Variants in DGKI observed in about 807,000 individuals in gnomAD.
DGKI encodes the protein DAG kinase iota.
In DGKI, 55 loss-of-function variants were observed where a neutral mutation model predicts 147.5. That is an observed-to-expected ratio of 0.37 (90% CI 0.30 to 0.47). The LOEUF is 0.47. Ranked by LOEUF, DGKI falls within the 20% of genes least tolerant of loss-of-function variation. The probability of loss-of-function intolerance (pLI) is 1.00; values close to 1 mark genes in which losing one functional copy is unlikely to be tolerated. For synonymous variants in DGKI, 469 were observed against 477.1 expected, an observed-to-expected ratio of 0.98 and a Z score of 0.22; for missense variants, 1,007 against 1,323.8, an observed-to-expected ratio of 0.76 and a Z score of 3.71.
intron 6 of DGKI, among the ~76,000 whole-genome samples, chr7:137,633,793 G>C (rs890443691): frequency 2.6e-5 from 4 of 152,232 alleles, no homozygotes; most frequent in African/African-American, 4.8e-5. Flanking sequence ...CTATTTGCAA[G>C]TGCTTTCAGG....
chr7:137,578,707 G>C lies in DGKI; in HGVS notation c.1643-382C>G, dbSNP rs555727353. Among the ~76,000 whole-genome samples the C allele has an allele frequency of 4.6e-5, 7 of 152,306 alleles. No homozygotes were observed. In the East Asian group the frequency reaches 1.2e-3, roughly 25 times the overall value. ...AAGATGGAGGCACTCTAGATGCTTT[G>C]TAAAAATTGGAGGGTTTCCAGGGAT... On this transcript the variant is annotated intron_variant, in intron 15 of 32. Transcript: ENST00000614521.
intron 6 of DGKI, among the ~76,000 whole-genome samples, chr7:137,636,117 C>T (rs1010684503): frequency 6.6e-6 from 1 of 152,106 alleles, no homozygotes; most frequent in African/African-American, 2.4e-5. Context: ...CATCTGGTAA[C>T]CAGGAAATCC....
intron 30 of DGKI, among the ~76,000 whole-genome samples, chr7:137,404,469 A>T (rs1811868147): frequency 6.6e-6 from 1 of 152,244 alleles, no homozygotes; most frequent in Admixed American, 6.5e-5. Flanking sequence ...TAAAGTGTTA[A>T]AAATTGCCAT....
intron 24 of DGKI, among the ~76,000 whole-genome samples, chr7:137,468,610 A>AAT (rs2128927804): frequency 6.6e-6 from 1 of 152,264 alleles, no homozygotes. Flanking sequence ...ACACTAGAAA[A>AAT]ATATATATAT....
intron 20 of DGKI, among the ~76,000 whole-genome samples, chr7:137,528,976 T>G (rs750454881): frequency 2.9e-4 from 44 of 152,158 alleles, no homozygotes; most frequent in Non-Finnish European, 5.6e-4. Context: ...AGTGCAAACA[T>G]TAACCACCAA....
At chr7:137,513,032 T>C (rs1816629435) in intron 21 of DGKI, among the ~76,000 whole-genome samples, 1 of 152,176 alleles carries the variant, frequency 6.6e-6, no homozygotes, top group African/African-American at 2.4e-5. Context: ...AGGTCAGCAA[T>C]TCTGCCGAAC....
intron 1 of DGKI, among the ~76,000 whole-genome samples, chr7:137,820,320 C>T (rs1797860069): frequency 6.6e-6 from 1 of 152,174 alleles, no homozygotes; most frequent in South Asian, 2.1e-4. Flanking sequence ...ACTTAACTAC[C>T]TACTGACATT....
chr7:137,509,443 GGC>G (rs1421257094), intron 21 of DGKI, among the ~76,000 whole-genome samples: 1 of 152,136 alleles, frequency 6.6e-6, no homozygotes, highest in Non-Finnish European at 1.5e-5. Flanking sequence ...ACTCCTCTGT[GGC>G]CAGTTGGATG....
chr7:137,637,867 G>A (rs187839720), intron 6 of DGKI, among the ~76,000 whole-genome samples: 40 of 152,026 alleles, frequency 2.6e-4, no homozygotes, highest in Middle Eastern at 3.4e-3. Context: ...TTAATTAAAG[G>A]AGATTTTTTT....
chr7:137,834,676 A>G (rs185270748), intron 1 of DGKI, among the ~76,000 whole-genome samples: 13 of 152,352 alleles, frequency 8.5e-5, no homozygotes, highest in African/African-American at 2.9e-4. Flanking sequence ...AGAAAACAAC[A>G]AAGTTTGCTC....
intron 27 of DGKI, among the ~76,000 whole-genome samples, chr7:137,446,210 T>C (rs1241033585): frequency 6.6e-6 from 1 of 152,246 alleles, no homozygotes; most frequent in Non-Finnish European, 1.5e-5. Context: ...ATATTAAATC[T>C]GAAAAATTCC....
rs374338666 is a variant in DGKI at position 137,391,186 on chromosome 7, G to A, written c.*34C>T. 53 of 1,522,656 alleles carry A rather than the reference G, an allele frequency of 3.5e-5. No homozygotes were observed. In the East Asian group the frequency reaches 8.3e-4, roughly 24 times the overall value. 94.3% of individuals were successfully genotyped at this position (1,522,656 alleles called of 1,614,324 possible). ...ATTGCAGGGAGGGCAGATGTGATAC[G>A]CTTGCTCATGTCCTCTTTGCCCGAA... On this transcript the variant is annotated 3_prime_UTR_variant, in exon 33 of 33. Transcript: ENST00000614521.
chr7:137,456,347 T>C (rs988828134), intron 27 of DGKI, among the ~76,000 whole-genome samples: 1 of 152,234 alleles, frequency 6.6e-6, no homozygotes, highest in Admixed American at 6.5e-5. Flanking sequence ...TATTTTGTTA[T>C]AATTTGATAA....
chr7:137,697,093 T>G (rs1585382323), intron 1 of DGKI, among the ~76,000 whole-genome samples: 1 of 152,312 alleles, frequency 6.6e-6, no homozygotes, highest in East Asian at 1.9e-4. Flanking sequence ...GATCATAGAC[T>G]TTCAGCCTCC....
intron 7 of DGKI, 82 bp from the exon 8 acceptor site, chr7:137,620,022 C>CACAT (rs1398363433): frequency 3.4e-6 from 2 of 584,232 alleles, no homozygotes. Flanking sequence ...TACACACGCA[C>CACAT]ACACACACAC....
intron 19 of DGKI, among the ~76,000 whole-genome samples, chr7:137,560,224 A>C (rs1818371974): frequency 6.6e-6 from 1 of 152,216 alleles, no homozygotes; most frequent in African/African-American, 2.4e-5. Context: ...CTGCAGAAAA[A>C]AAGAGGCCAG....
chr7:137,809,808 G>A (rs1263848312), intron 1 of DGKI, among the ~76,000 whole-genome samples: 1 of 152,122 alleles, frequency 6.6e-6, no homozygotes, highest in Non-Finnish European at 1.5e-5. Flanking sequence ...AGAGGCTGAG[G>A]TGAGAGGATA....
In DGKI at chr7:137,762,598, C is replaced by T. The variant is rs530240848; in HGVS notation, c.402-72596G>A. ...TTATAGTTGCTGCCTGAATGTGGAA[C>T]ACCCTCACCCCAGCATGGATCACAG... On this transcript the variant is annotated intron_variant, in intron 1 of 32. Transcript: ENST00000614521. 3.9e-5 allele frequency among the ~76,000 whole-genome samples: 6 copies of T among 152,330 alleles called. No individual in the cohort carries two copies. The South Asian group carries it at 1.2e-3, about 32-fold the overall frequency.
At chr7:137,838,838 C>T (rs536865240) in intron 1 of DGKI, among the ~76,000 whole-genome samples, 10 of 152,346 alleles carry the variant, frequency 6.6e-5, no homozygotes, top group African/African-American at 2.2e-4. Context: ...GAAGGCTGCA[C>T]CTTCCATTTC....
Sources: gnomAD v4.1 joint callset for allele counts (sites outside exome capture counted in the v4.1 genomes callset) on GRCh38, gnomAD v4.1.1 for gene constraint, MANE v1.5 for transcripts, NCBI Gene and HGNC (gene_info 2026-07-23, HGNC 2026-07-21) for gene names.